GRID2: variants seen among roughly 807,000 people sequenced by gnomAD.
GRID2 encodes glutamate receptor ionotropic, delta-2.
Under a neutral mutation model 114.8 loss-of-function variants are expected in GRID2, and 33 were observed. The observed-to-expected ratio is 0.29, with a 90% confidence interval of 0.22 to 0.38. The LOEUF is 0.38. Ranked by LOEUF, GRID2 falls within the 10% of genes least tolerant of loss-of-function variation. GRID2 has a pLI of 1.00. For missense variants in GRID2, 1,184 were observed against 1,257.7 expected (o/e 0.94, Z 0.89); for synonymous variants, 505 against 449.9 (o/e 1.12, Z -1.55).
chr4:93,140,160 CTTTTTT>C (rs10684978), intron 4 of GRID2, among the ~76,000 whole-genome samples: 1 of 128,266 alleles, frequency 7.8e-6, no homozygotes, highest in Non-Finnish European at 1.6e-5. Context: ...CTTTTCTTTT[CTTTTTT>C]TTTTTTTTTT....
In GRID2 at chr4:93,135,226, T is replaced by C. The variant is rs77104481; in HGVS notation, c.735+24273T>C. Among the ~76,000 whole-genome samples the C allele has an allele frequency of 2.3e-3, 354 of 152,302 alleles. 1 individual carries two copies. In the East Asian group the frequency reaches 0.024, roughly 10 times the overall value. ...AACTGCTTTTAATATTCCTGAACAA[T>C]AGGAGGCTTTGGGTTCAGTCTCCTG... On this transcript the variant is annotated intron_variant, in intron 4 of 15. Transcript: ENST00000282020.
intron 8 of GRID2, among the ~76,000 whole-genome samples, chr4:93,374,142 T>C (rs1763172484): frequency 6.6e-6 from 1 of 152,184 alleles, no homozygotes; most frequent in Non-Finnish European, 1.5e-5. Flanking sequence ...GTCATGTAGA[T>C]GAAGAAAATT....
intron 1 of GRID2, among the ~76,000 whole-genome samples, chr4:92,370,265 T>G (rs1302996207): frequency 6.6e-6 from 1 of 152,176 alleles, no homozygotes; most frequent in African/African-American, 2.4e-5. Context: ...TTAATAAATG[T>G]TGTGAGTATT....
intron 2 of GRID2, among the ~76,000 whole-genome samples, chr4:92,801,205 A>G (rs1740149227): frequency 6.6e-6 from 1 of 152,014 alleles, no homozygotes; most frequent in Non-Finnish European, 1.5e-5. Flanking sequence ...GGGCTCTTCC[A>G]GCTGTTAGAA....
chr4:92,398,617 G>A (rs1326930394), intron 1 of GRID2, among the ~76,000 whole-genome samples: 1 of 152,096 alleles, frequency 6.6e-6, no homozygotes, highest in Non-Finnish European at 1.5e-5. Flanking sequence ...TTAAAGGTGA[G>A]GTAGAGGATA....
intron 1 of GRID2, among the ~76,000 whole-genome samples, chr4:93,789,737 G>T (rs976645376): frequency 1.3e-5 from 2 of 152,122 alleles, no homozygotes; most frequent in Admixed American, 1.3e-4. Context: ...GAGGCTAGTT[G>T]TTACATAAGA....
chr4:92,772,362 G>T (rs1408223940), intron 2 of GRID2, among the ~76,000 whole-genome samples: 2 of 151,900 alleles, frequency 1.3e-5, no homozygotes, highest in Non-Finnish European at 2.9e-5. Context: ...TTACCTTTCT[G>T]TGTCCCTCTC....
At chr4:93,678,519 G>A (rs930539455) in intron 14 of GRID2, among the ~76,000 whole-genome samples, 67 of 152,064 alleles carry the variant, frequency 4.4e-4, no homozygotes, top group Middle Eastern at 3.4e-3. Context: ...GTTAAGGGCA[G>A]CCAGAGAGAA....
intron 2 of GRID2, among the ~76,000 whole-genome samples, chr4:92,961,541 A>G (rs1312203400): frequency 2.0e-5 from 3 of 151,578 alleles, no homozygotes; most frequent in African/African-American, 4.8e-5. Flanking sequence ...AGTCAGATAT[A>G]ATTTTATCTT....
intron 4 of GRID2, chr4:93,164,752 A>T (rs1475712411): frequency 2.3e-6 from 1 of 431,992 alleles, no homozygotes; most frequent in Non-Finnish European, 4.7e-6. Flanking sequence ...TTAGAAAAAC[A>T]CTTAGGGAGG....
intron 1 of GRID2, among the ~76,000 whole-genome samples, chr4:92,549,501 C>A (rs1726470131): frequency 6.6e-6 from 1 of 152,116 alleles, no homozygotes; most frequent in African/African-American, 2.4e-5. Context: ...TTAGAAAATT[C>A]TCTGAACTCT....
intron 1 of GRID2, among the ~76,000 whole-genome samples, chr4:92,488,707 C>CTCTTT (rs2149111395): frequency 6.6e-6 from 1 of 152,238 alleles, no homozygotes; most frequent in Admixed American, 6.5e-5. Context: ...AAGAACGTAC[C>CTCTTT]TCTTGTGCCT....
At chr4:93,264,734 TTATATA>T (rs57194878) in intron 8 of GRID2, among the ~76,000 whole-genome samples, 1 of 91,008 alleles carries the variant, frequency 1.1e-5, no homozygotes, top group African/African-American at 4.8e-5. Flanking sequence ...ATCATTTGAA[TTATATA>T]TATATATCAT....
chr4:92,878,764 G>C (rs1268267786), intron 2 of GRID2, among the ~76,000 whole-genome samples: 1 of 152,028 alleles, frequency 6.6e-6, no homozygotes, highest in Admixed American at 6.6e-5. Flanking sequence ...TGAGCTCAAA[G>C]TTTATCATTT....
At chr4:92,812,929 C>G (rs971659564) in intron 2 of GRID2, among the ~76,000 whole-genome samples, 3 of 152,084 alleles carry the variant, frequency 2.0e-5, no homozygotes, top group Non-Finnish European at 4.4e-5. Flanking sequence ...TATCTAAACC[C>G]CTAGGTAATA....
intron 8 of GRID2, among the ~76,000 whole-genome samples, chr4:93,295,325 T>C (rs72874944): frequency 0.054 from 8,220 of 151,704 alleles, 749 homozygotes; most frequent in African/African-American, 0.19. Flanking sequence ...GATAAAAGAG[T>C]ACAGGAGACT....
chr4:92,376,696 A>G (rs933462491), intron 1 of GRID2, among the ~76,000 whole-genome samples: 2 of 152,068 alleles, frequency 1.3e-5, no homozygotes, highest in African/African-American at 4.8e-5. Context: ...AGGCATTTCC[A>G]TACATCCTCT....
At chr4:92,326,782 G>A (rs902294836) in intron 1 of GRID2, among the ~76,000 whole-genome samples, 1 of 151,952 alleles carries the variant, frequency 6.6e-6, no homozygotes, top group Admixed American at 6.6e-5. Flanking sequence ...TATATAATTT[G>A]CATAACTTCT....
At chr4:92,581,569 A>T (rs1728186343) in intron 1 of GRID2, among the ~76,000 whole-genome samples, 1 of 152,076 alleles carries the variant, frequency 6.6e-6, no homozygotes, top group Non-Finnish European at 1.5e-5. Context: ...GTTATTGGAG[A>T]GTAAGGCTAA....
Sources: gnomAD v4.1 joint callset for allele counts (sites outside exome capture counted in the v4.1 genomes callset) on GRCh38, gnomAD v4.1.1 for gene constraint, MANE v1.5 for transcripts, NCBI Gene and HGNC (gene_info 2026-07-23, HGNC 2026-07-21) for gene names.